FIG4: variants seen among roughly 807,000 people sequenced by gnomAD.
FIG4 encodes FIG4 phosphoinositide 5-phosphatase, also known as polyphosphoinositide phosphatase.
In FIG4, 112 loss-of-function variants were observed where a neutral mutation model predicts 118.6. That is an observed-to-expected ratio of 0.94 (90% CI 0.81 to 1.11). The LOEUF is 1.11. Among genes scored for constraint, FIG4 ranks in the 50% least tolerant of loss-of-function variants. The probability of loss-of-function intolerance (pLI) is 0.00; values close to 1 mark genes in which losing one functional copy is unlikely to be tolerated. For synonymous variants in FIG4, 369 were observed against 381.2 expected, an observed-to-expected ratio of 0.97 and a Z score of 0.37; for missense variants, 969 against 1,111.7, an observed-to-expected ratio of 0.87 and a Z score of 1.83.
intron 1 of FIG4, among the ~76,000 whole-genome samples, chr6:109,703,468 G>T (rs1774964310): frequency 6.6e-6 from 1 of 152,164 alleles, no homozygotes; most frequent in Non-Finnish European, 1.5e-5. Context: ...TTAGGAGTCA[G>T]CTTTGTTACA....
In FIG4 at chr6:109,823,025, A is replaced by G. The variant is rs189707009; in HGVS notation, c.2547-2063A>G. 5.1e-3 allele frequency among the ~76,000 whole-genome samples: 782 copies of G among 152,146 alleles called. 6 individuals are homozygous for G. Among genetic ancestry groups the G allele is most frequent in the Non-Finnish European group, 8.0e-3 (543 of 67,994 alleles). On this transcript the variant is annotated intron_variant, in intron 22 of 22. Transcript: ENST00000230124. ...AAGATAGAGTTTAGCAGCCTTAGAC[A>G]TAACAAATGCATACATTTCTTTAAT...
At chr6:109,796,123 C>A (rs1778280540) in intron 21 of FIG4, among the ~76,000 whole-genome samples, 1 of 152,236 alleles carries the variant, frequency 6.6e-6, no homozygotes, top group South Asian at 2.1e-4. Flanking sequence ...CTGTTCAAGT[C>A]TGAGAAGTGC....
At chr6:109,822,171 A>G (rs1041760007) in intron 22 of FIG4, among the ~76,000 whole-genome samples, 1 of 152,204 alleles carries the variant, frequency 6.6e-6, no homozygotes, top group Non-Finnish European at 1.5e-5. Flanking sequence ...AAAAGTGCAA[A>G]CAAGTGATTA....
In FIG4 at chr6:109,766,699, A is replaced by C. The variant is rs116602685; in HGVS notation, c.1584-30A>C. ...ATAACTTGTGCTTTGATTTTGGTGA[A>C]ATTCTTTAATCGGGTTTTTCTTTTT... On this transcript the variant is annotated intron_variant, in intron 14 of 22. Coordinates refer to ENST00000230124, the MANE Select transcript of FIG4 (RefSeq NM_014845.6). The C allele has an allele frequency of 1.3e-3, 2,030 of 1,602,614 alleles. 23 individuals carry two copies. The African/African-American group carries it at 0.025, about 19-fold the overall frequency.
At chr6:109,732,306 G>A (rs1314087952) in intron 4 of FIG4, among the ~76,000 whole-genome samples, 1 of 152,194 alleles carries the variant, frequency 6.6e-6, no homozygotes, top group Non-Finnish European at 1.5e-5. Flanking sequence ...CATCCTCAAA[G>A]CATTTGCAAA....
At chr6:109,727,075 T>C (rs759849808) in intron 3 of FIG4, 34 bp from the exon 4 acceptor site, 2 of 1,544,898 alleles carry the variant, frequency 1.3e-6, no homozygotes, top group South Asian at 2.2e-5. Context: ...ACTAAGTTTA[T>C]AAAGCATATT....
chr6:109,809,152 T>A (rs1287282075), intron 22 of FIG4, among the ~76,000 whole-genome samples: 1 of 152,226 alleles, frequency 6.6e-6, no homozygotes, highest in Non-Finnish European at 1.5e-5. Flanking sequence ...TGGAAGGCTA[T>A]TAAAATACTG....
intron 22 of FIG4, among the ~76,000 whole-genome samples, chr6:109,811,937 G>C (rs1778730904): frequency 1.3e-5 from 2 of 152,166 alleles, no homozygotes; most frequent in Non-Finnish European, 2.9e-5. Context: ...GAAGCAAGCT[G>C]ATATGGTTAG....
intron 10 of FIG4, among the ~76,000 whole-genome samples, chr6:109,751,802 TC>T (rs1378250568): frequency 3.8e-5 from 2 of 52,000 alleles, no homozygotes; most frequent in African/African-American, 1.3e-4. Context: ...GATTCTTCTC[TC>T]TTTTTTTCTT....
At chr6:109,738,233 C>G in intron 6 of FIG4, 92 bp from the exon 7 acceptor site, 1 of 1,074,516 alleles carries the variant, frequency 9.3e-7, no homozygotes, top group Non-Finnish European at 1.4e-6. Context: ...GAATGTCAGC[C>G]AATTTCCATA....
At chr6:109,747,388 T>C (rs1466567893) in intron 10 of FIG4, among the ~76,000 whole-genome samples, 1 of 151,310 alleles carries the variant, frequency 6.6e-6, no homozygotes, top group African/African-American at 2.4e-5. Context: ...TCCAGAGGAG[T>C]AGGAAGAAAA....
chr6:109,763,861 TAAC>T (rs2128391866), intron 12 of FIG4, 73 bp from the exon 13 acceptor site: 1 of 989,186 alleles, frequency 1.0e-6, no homozygotes, highest in Non-Finnish European at 1.6e-6. Context: ...CTATGATTCT[TAAC>T]AAGGATCTGG....
At chr6:109,710,616 T>G (rs1476901288) in intron 1 of FIG4, among the ~76,000 whole-genome samples, 1 of 152,034 alleles carries the variant, frequency 6.6e-6, no homozygotes, top group Non-Finnish European at 1.5e-5. Context: ...TTGTTGTCAT[T>G]TTTTGCTTGT....
At chr6:109,817,796 T>C (rs948630914) in intron 22 of FIG4, among the ~76,000 whole-genome samples, 1 of 152,096 alleles carries the variant, frequency 6.6e-6, no homozygotes, top group African/African-American at 2.4e-5. Context: ...GCCTGGGAGC[T>C]TGCTCCTGGT....
intron 16 of FIG4, among the ~76,000 whole-genome samples, 153 bp downstream of exon 16, chr6:109,777,213 A>G (rs1777647559): frequency 6.6e-6 from 1 of 152,124 alleles, no homozygotes; most frequent in African/African-American, 2.4e-5. Context: ...TAGTAGGTGT[A>G]TATTTTTATG....
rs751380196 is a variant in FIG4 at position 109,743,097 on chromosome 6, CCTTT to C, written c.877-8_877-5del. 6 of 1,607,992 alleles carry C rather than the reference CCTTT, an allele frequency of 3.7e-6. No individual in the cohort carries two copies. The African/African-American group carries it at 8.0e-5, about 22-fold the overall frequency. On this transcript the variant is annotated splice_polypyrimidine_tract_variant and intron_variant, in intron 8 of 22. Coordinates refer to ENST00000230124, the MANE Select transcript of FIG4 (RefSeq NM_014845.6). ...ATAACATAAAATATTTTTCAATGCA[CCTTT>C]CTTTTCAGGGTGATGTTGCAAATGA...
intron 18 of FIG4, among the ~76,000 whole-genome samples, chr6:109,786,830 G>A (rs952605314): frequency 6.6e-6 from 1 of 152,114 alleles, no homozygotes; most frequent in Admixed American, 6.6e-5. Context: ...CTTCCTGTGT[G>A]ACCTTGGGAA....
At chr6:109,764,126 A>G in intron 13 of FIG4, 144 bp downstream of exon 13, 2 of 658,318 alleles carry the variant, frequency 3.0e-6, no homozygotes, top group South Asian at 1.9e-5. Context: ...CCTTACTTCT[A>G]GTCTTTAATG....
chr6:109,719,119 A>G (rs1215462130), intron 3 of FIG4, among the ~76,000 whole-genome samples: 6 of 152,020 alleles, frequency 3.9e-5, no homozygotes, highest in Non-Finnish European at 7.4e-5. Context: ...GGGTTTCGCC[A>G]TGTTGGCCAG....
Sources: gnomAD v4.1 joint callset for allele counts (sites outside exome capture counted in the v4.1 genomes callset) on GRCh38, gnomAD v4.1.1 for gene constraint, MANE v1.5 for transcripts, NCBI Gene and HGNC (gene_info 2026-07-23, HGNC 2026-07-21) for gene names.